BORCS5: variants seen among roughly 807,000 people sequenced by gnomAD.
The protein encoded by BORCS5 is BLOC-1 related complex subunit 5.
In BORCS5, 17 loss-of-function variants were observed where a neutral mutation model predicts 22.1. That is an observed-to-expected ratio of 0.77 (90% confidence interval 0.53 to 1.15). The LOEUF is 1.15. BORCS5 is among the 50% of genes most tolerant of loss of function. The pLI, the probability that BORCS5 is intolerant of heterozygous loss-of-function variation, is 0.00. For synonymous variants in BORCS5, 117 were observed against 99.8 expected, an observed-to-expected ratio of 1.17 and a Z score of -1.03; for missense variants, 247 against 253.2, an observed-to-expected ratio of 0.98 and a Z score of 0.17.
chr12:12,418,885 C>T (rs1239598108), intron 2 of BORCS5, among the ~76,000 whole-genome samples: 1 of 152,062 alleles, frequency 6.6e-6, no homozygotes, highest in African/African-American at 2.4e-5. Context: ...GATACAGTGG[C>T]ACTTACTTCT....
intron 2 of BORCS5, among the ~76,000 whole-genome samples, chr12:12,431,793 G>C (rs542528502): frequency 1.9e-4 from 28 of 150,758 alleles, no homozygotes; most frequent in Non-Finnish European, 3.4e-4. Context: ...TCCCGGGTTC[G>C]AGAGATTCTT....
At chr12:12,392,444 C>G (rs1941218620) in intron 2 of BORCS5, among the ~76,000 whole-genome samples, 1 of 152,070 alleles carries the variant, frequency 6.6e-6, no homozygotes, top group African/African-American at 2.4e-5. Flanking sequence ...TTAAACATTT[C>G]TAGTAATTAA....
intron 2 of BORCS5, 56 bp from the exon 3 acceptor site, chr12:12,435,572 T>C (rs2136124796): frequency 6.8e-7 from 1 of 1,471,476 alleles, no homozygotes; most frequent in East Asian, 2.3e-5. Flanking sequence ...AACTACTTTA[T>C]TCACAAGTTT....
chr12:12,470,216 G>A lies in BORCS5; in HGVS notation c.*4440G>A, dbSNP rs1449173500. 1.3e-5 allele frequency among the ~76,000 whole-genome samples: 2 copies of A among 152,126 alleles called. No homozygotes were observed. The highest frequency in any genetic ancestry group is 1.5e-5 in the Non-Finnish European group (1 of 68,018). Reference sequence around the variant, plus strand: ...CTCCCGAGTAGCTGGGACTACAGGTGCCCGCCACCACACCCGGCTAATTTT... The same window carrying A: ...CTCCCGAGTAGCTGGGACTACAGGTACCCGCCACCACACCCGGCTAATTTT... On this transcript the variant is annotated 3_prime_UTR_variant, in exon 4 of 4. Transcript: ENST00000314565.
chr12:12,439,105 T>C (rs1296300519), intron 3 of BORCS5, among the ~76,000 whole-genome samples: 1 of 152,230 alleles, frequency 6.6e-6, no homozygotes, highest in Non-Finnish European at 1.5e-5. Context: ...TATAATGCTG[T>C]TATACCTAAA....
Position 12,414,183 on chromosome 12 carries a change from A to G in BORCS5, c.203-21445A>G, listed in dbSNP as rs1187243386. ...GCTGACCCCCCCACCTCCCTCCCGG[A>G]TGGGGCGGCTGGCCAGGCGGGGGGC... On this transcript the variant is annotated intron_variant, in intron 2 of 3. Transcript: ENST00000314565. Among the ~76,000 whole-genome samples the G allele has an allele frequency of 4.7e-5, 4 of 85,564 alleles. No individual in the cohort carries two copies. The East Asian group carries it at 1.1e-3, about 24-fold the overall frequency. The allele number at this position is 85,564 out of a possible 152,430, so 56.1% of individuals were successfully genotyped here.
At chr12:12,433,604 C>T (rs919919713) in intron 2 of BORCS5, among the ~76,000 whole-genome samples, 6 of 152,150 alleles carry the variant, frequency 3.9e-5, no homozygotes, top group Non-Finnish European at 7.3e-5. Context: ...AAAGGGGACA[C>T]GGGATCCTAT....
intron 2 of BORCS5, among the ~76,000 whole-genome samples, chr12:12,371,894 C>A (rs1420894568): frequency 6.6e-6 from 1 of 152,052 alleles, no homozygotes; most frequent in African/African-American, 2.4e-5. Context: ...CATGTCTGTA[C>A]TGCTTTTAAT....
At chr12:12,463,999 C>T (rs181688398) in intron 3 of BORCS5, among the ~76,000 whole-genome samples, 22 of 152,260 alleles carry the variant, frequency 1.4e-4, no homozygotes, top group African/African-American at 3.8e-4. Context: ...CTGGCTCCCA[C>T]GAGCCCCGCT....
In BORCS5 at chr12:12,452,214, G is replaced by A. The variant is rs1017318555; in HGVS notation, c.361-13332G>A. 4.7e-6 allele frequency: 3 copies of A among 642,788 alleles called. No homozygotes were observed. The African/African-American group carries it at 5.5e-5, about 12-fold the overall frequency. 39.8% of individuals were successfully genotyped at this position (642,788 alleles called of 1,614,324 possible). ...TACAGCTGATACAGGTTCAGCACAG[G>A]CTGAAGCTCCCCCTCAGCCAGCCTC... is the stretch of plus-strand genomic sequence containing the variant. On this transcript the variant is annotated intron_variant, in intron 3 of 3. Coordinates refer to ENST00000314565, the MANE Select transcript of BORCS5 (RefSeq NM_058169.6).
chr12:12,455,081 G>C (rs1449314899), intron 3 of BORCS5, among the ~76,000 whole-genome samples: 1 of 152,252 alleles, frequency 6.6e-6, no homozygotes, highest in Non-Finnish European at 1.5e-5. Flanking sequence ...TTGAATAGCT[G>C]TAAAACAGGA....
At chr12:12,362,282 T>C (rs940161205) in intron 2 of BORCS5, among the ~76,000 whole-genome samples, 1 of 152,228 alleles carries the variant, frequency 6.6e-6, no homozygotes, top group Non-Finnish European at 1.5e-5. Context: ...TCTTCATTGA[T>C]GTCAAATCCT....
chr12:12,392,528 A>G (rs1450720010), intron 2 of BORCS5, among the ~76,000 whole-genome samples: 1 of 152,104 alleles, frequency 6.6e-6, no homozygotes, highest in Non-Finnish European at 1.5e-5. Context: ...ATCCAGATTA[A>G]GAACAGCTGC....
chr12:12,376,896 A>G (rs1445479051), intron 2 of BORCS5, among the ~76,000 whole-genome samples: 1 of 152,202 alleles, frequency 6.6e-6, no homozygotes, highest in Non-Finnish European at 1.5e-5. Flanking sequence ...GCCTTTGGTT[A>G]ATAAGGCTTC....
Position 12,438,382 on chromosome 12 carries a change from G to GAAAAAAAAAAAAAAAAAAAAAAAAA in BORCS5, c.360+2602_360+2603insAAAAAAAAAAAAAAAAAAAAAAAAA, listed in dbSNP as rs1565915767. ...TCTCAAAAAAAAAAAAAAAAAAAAC[G>GAAAAAAAAAAAAAAAAAAAAAAAAA]AAAAACAACAACAAAAACCTCTAAT... is the stretch of plus-strand genomic sequence containing the variant. On this transcript the variant is annotated intron_variant, in intron 3 of 3. Transcript: ENST00000314565. Among the ~76,000 whole-genome samples, 37 of 106,976 alleles carry GAAAAAAAAAAAAAAAAAAAAAAAAA rather than the reference G, an allele frequency of 3.5e-4. 3 individuals carry two copies. Among genetic ancestry groups the GAAAAAAAAAAAAAAAAAAAAAAAAA allele is most frequent in the Middle Eastern group, 4.6e-3 (1 of 218 alleles). 70.2% of individuals were successfully genotyped at this position (106,976 alleles called of 152,430 possible).
chr12:12,401,949 C>A (rs1242691965), intron 2 of BORCS5, among the ~76,000 whole-genome samples: 2 of 151,258 alleles, frequency 1.3e-5, no homozygotes, highest in Non-Finnish European at 2.9e-5. Context: ...GCCTGTAGTC[C>A]CAGCTACTCA....
At chr12:12,378,142 C>T (rs187421676) in intron 2 of BORCS5, among the ~76,000 whole-genome samples, 2,405 of 152,218 alleles carry the variant, frequency 0.016, 27 homozygotes, top group Non-Finnish European at 0.026. Flanking sequence ...GAGGCCTAGG[C>T]GGGCAGATCA....
At chr12:12,410,266 A>T (rs1941697031) in intron 2 of BORCS5, among the ~76,000 whole-genome samples, 1 of 152,076 alleles carries the variant, frequency 6.6e-6, no homozygotes, top group Non-Finnish European at 1.5e-5. Context: ...TTTTGTTGCC[A>T]TTGCTTTTGG....
At chr12:12,415,943 CTA>C (rs930412104) in intron 2 of BORCS5, among the ~76,000 whole-genome samples, 1 of 152,120 alleles carries the variant, frequency 6.6e-6, no homozygotes, top group African/African-American at 2.4e-5. Flanking sequence ...ACCTGTGAAA[CTA>C]TCAGTTCCAG....
Sources: allele counts gnomAD v4.1 joint callset (sites outside exome capture counted in the v4.1 genomes callset), GRCh38; gene constraint gnomAD v4.1.1; transcripts MANE v1.5; gene names NCBI Gene and HGNC (gene_info 2026-07-23, HGNC 2026-07-21).